Variants in RFPL1 observed in about 807,000 individuals in gnomAD.
RFPL1 encodes the protein ret finger protein like 1.
Under a neutral mutation model 9.6 loss-of-function variants are expected in RFPL1, and 6 were observed. That is an observed-to-expected ratio of 0.62 (90% CI 0.34 to 1.23). The LOEUF (loss-of-function observed/expected upper bound fraction) is 1.23, where lower values mean the gene tolerates loss of function less well. Ranked by LOEUF, RFPL1 falls within the 50% of genes most tolerant of loss-of-function variation. RFPL1 has a pLI of 0.03. For missense variants in RFPL1, 352 were observed against 398.4 expected (o/e 0.88, Z 0.99); for synonymous variants, 145 against 149.4 (o/e 0.97, Z 0.22).
the RFPL1 span, among the ~76,000 whole-genome samples, chr22:29,397,752 A>G: frequency 0.2 from 31,116 of 152,018 alleles, 3,562 homozygotes; most frequent in East Asian, 0.32. Context: ...CTGCATGCAG[A>G]TTGGGACCCT....
At chr22:29,413,107 A>G in the RFPL1 span, among the ~76,000 whole-genome samples, 6 of 151,714 alleles carry the variant, frequency 4.0e-5, no homozygotes, top group Admixed American at 4.0e-4. Context: ...ACACCAGGAT[A>G]GGGGAGTCTT....
chr22:29,412,986 C>T, the RFPL1 span, among the ~76,000 whole-genome samples: 1 of 152,058 alleles, frequency 6.6e-6, no homozygotes, highest in African/African-American at 2.4e-5. Flanking sequence ...GGATATTGTC[C>T]TCATGGTCAT....
At chr22:29,430,284 CTCT>C in the RFPL1 span, among the ~76,000 whole-genome samples, 1 of 152,120 alleles carries the variant, frequency 6.6e-6, no homozygotes, top group Admixed American at 6.6e-5. Context: ...CCATCTCAGC[CTCT>C]CAAGTAGTTG....
chr22:29,432,253 G>T, the RFPL1 span, among the ~76,000 whole-genome samples: 1 of 152,162 alleles, frequency 6.6e-6, no homozygotes, highest in Non-Finnish European at 1.5e-5. Flanking sequence ...ATAAGATACT[G>T]TGGCAAACTA....
At chr22:29,430,774 A>C in the RFPL1 span, among the ~76,000 whole-genome samples, 6 of 152,206 alleles carry the variant, frequency 3.9e-5, no homozygotes. Context: ...CTATTCATAG[A>C]TTAATCTTAA....
At chr22:29,422,307 A>T in the RFPL1 span, among the ~76,000 whole-genome samples, 1 of 152,108 alleles carries the variant, frequency 6.6e-6, no homozygotes, top group African/African-American at 2.4e-5. Context: ...TGCCAGGTGC[A>T]GTGGCTCACA....
the RFPL1 span, among the ~76,000 whole-genome samples, chr22:29,399,986 TTTC>T: frequency 2.2e-5 from 3 of 139,366 alleles, no homozygotes; most frequent in Non-Finnish European, 3.0e-5. Flanking sequence ...GTATCAAGCT[TTTC>T]TTTTCTTTTT....
chr22:29,396,496 TAA>T, the RFPL1 span, among the ~76,000 whole-genome samples: 6 of 152,202 alleles, frequency 3.9e-5, no homozygotes, highest in African/African-American at 1.4e-4. Flanking sequence ...GGTATTCTGT[TAA>T]AGCAGCACAA....
the RFPL1 span, chr22:29,388,347 C>T: frequency 6.6e-6 from 1 of 152,536 alleles, no homozygotes; most frequent in Non-Finnish European, 1.5e-5. Context: ...CCTCTGACCC[C>T]GCAAACCCCT....
chr22:29,431,981 C>G, the RFPL1 span, among the ~76,000 whole-genome samples: 3 of 152,154 alleles, frequency 2.0e-5, no homozygotes, highest in Non-Finnish European at 2.9e-5. Flanking sequence ...CATGAACCAC[C>G]ACACCTGGCC....
upstream of RFPL1, among the ~76,000 whole-genome samples, chr22:29,436,182 A>G (rs1357802064): frequency 1.3e-5 from 2 of 152,250 alleles, no homozygotes; most frequent in East Asian, 3.9e-4. Flanking sequence ...AATTGGATAT[A>G]AAATTACAGC....
chr22:29,391,826 T>C, the RFPL1 span, among the ~76,000 whole-genome samples: 2 of 152,176 alleles, frequency 1.3e-5, no homozygotes, highest in African/African-American at 4.8e-5. Context: ...GCAGAAAGCA[T>C]TTTCCAAGCC....
At chr22:29,401,801 A>C in the RFPL1 span, among the ~76,000 whole-genome samples, 2 of 152,216 alleles carry the variant, frequency 1.3e-5, no homozygotes, top group Admixed American at 6.5e-5. Context: ...TCTCGTTTCC[A>C]GAATAAAATT....
chr22:29,441,465 T>A, intron 1 of RFPL1, 77 bp from the exon 2 acceptor site: 1 of 1,476,962 alleles, frequency 6.8e-7, no homozygotes, highest in Non-Finnish European at 9.2e-7. Flanking sequence ...CAAGAGATAT[T>A]TGGGCCTTTG....
chr22:29,442,281 G>A, exon 2 of RFPL1: 1 of 513,946 alleles, frequency 1.9e-6, no homozygotes, highest in African/African-American at 1.9e-5. Context: ...TTTATAAATT[G>A]AGTCCTAAGT....
chr22:29,438,594 G>T, exon 1 of RFPL1: 1 of 1,424,820 alleles, frequency 7.0e-7, no homozygotes. Context: ...CCGTGTCACT[G>T]GCTCAGGCTC....
the RFPL1 span, among the ~76,000 whole-genome samples, chr22:29,428,607 T>A: frequency 6.6e-6 from 1 of 152,166 alleles, no homozygotes; most frequent in African/African-American, 2.4e-5. Flanking sequence ...ACAAAGCAAG[T>A]CTCAAAAATA....
At chr22:29,423,662 G>A in the RFPL1 span, among the ~76,000 whole-genome samples, 8 of 152,212 alleles carry the variant, frequency 5.3e-5, no homozygotes, top group Admixed American at 5.2e-4. Context: ...CTCATTAGAA[G>A]CCTCATCACA....
upstream of RFPL1, chr22:29,435,062 T>C (rs2062802251): frequency 6.6e-6 from 1 of 152,242 alleles, no homozygotes; most frequent in Admixed American, 6.5e-5. Flanking sequence ...CAAGAAACTT[T>C]TCTGCTTGCC....
Sources: gnomAD v4.1 joint callset for allele counts (sites outside exome capture counted in the v4.1 genomes callset) on GRCh38, gnomAD v4.1.1 for gene constraint, MANE v1.5 for transcripts, NCBI Gene and HGNC (gene_info 2026-07-23, HGNC 2026-07-21) for gene names.